Variants in PARD3B observed in about 807,000 individuals in gnomAD.
PARD3B encodes the protein par-3 family cell polarity regulator beta, also known as partitioning defective 3 homolog B.
PARD3B carries 103 observed loss-of-function variants against 130.2 expected under a neutral mutation model. The observed-to-expected ratio is 0.79, with a 90% CI of 0.67 to 0.93. The LOEUF (loss-of-function observed/expected upper bound fraction) is 0.93. Among genes scored for constraint, PARD3B ranks in the 40% least tolerant of loss-of-function variants. PARD3B has a pLI of 0.00. For missense variants in PARD3B, 1,609 were observed against 1,499.2 expected, an observed-to-expected ratio of 1.07 and a Z score of -1.21; for synonymous variants, 583 against 553.2, an observed-to-expected ratio of 1.05 and a Z score of -0.76.
chr2:205,379,734 T>G (rs1474281104), intron 18 of PARD3B, among the ~76,000 whole-genome samples: 1 of 151,984 alleles, frequency 6.6e-6, no homozygotes, highest in African/African-American at 2.4e-5. Context: ...TTAGCAGGTA[T>G]TACAGTGAGA....
intron 21 of PARD3B, among the ~76,000 whole-genome samples, chr2:205,548,200 T>A (rs935718234): frequency 3.3e-5 from 5 of 152,080 alleles, no homozygotes; most frequent in Non-Finnish European, 7.4e-5. Context: ...TTCTTTTATT[T>A]GGTCCCTACA....
chr2:205,226,352 T>C (rs2038548897), intron 15 of PARD3B, among the ~76,000 whole-genome samples: 1 of 152,226 alleles, frequency 6.6e-6, no homozygotes, highest in Non-Finnish European at 1.5e-5. Context: ...AAAAGCTTTT[T>C]AATTTGATGT....
At chr2:205,024,162 CT>C (rs1172893472) in intron 3 of PARD3B, among the ~76,000 whole-genome samples, 4,069 of 98,642 alleles carry the variant, frequency 0.041, 9 homozygotes, top group African/African-American at 0.054. Flanking sequence ...TTCTTTCTTT[CT>C]TTTTTTTTTT....
intron 1 of PARD3B, among the ~76,000 whole-genome samples, chr2:204,572,505 G>GATAA (rs2032056087): frequency 1.3e-5 from 2 of 152,150 alleles, no homozygotes; most frequent in Non-Finnish European, 2.9e-5. Flanking sequence ...TGTTCATGAT[G>GATAA]ATAAATCTGA....
At chr2:205,547,554 G>T (rs904442662) in intron 21 of PARD3B, among the ~76,000 whole-genome samples, 4 of 152,098 alleles carry the variant, frequency 2.6e-5, no homozygotes, top group African/African-American at 9.7e-5. Flanking sequence ...GCTACTGGGG[G>T]AGCTGTTGCT....
chr2:205,475,142 T>C (rs987811385), intron 20 of PARD3B, among the ~76,000 whole-genome samples: 1 of 152,146 alleles, frequency 6.6e-6, no homozygotes, highest in African/African-American at 2.4e-5. Flanking sequence ...TACTTGGACC[T>C]TGTTTTAATT....
Position 205,462,877 on chromosome 2 carries a change from C to T in PARD3B, c.3044+22205C>T, listed in dbSNP as rs151324540. ...TGTGAGCCATTCATCAAATCTCAGA[C>T]GTGACTCACGCAGTGGCTCATGGGT... On this transcript the variant is annotated intron_variant, in intron 20 of 22. Coordinates refer to ENST00000406610, the MANE Select transcript of PARD3B (RefSeq NM_001302769.2). Among the ~76,000 whole-genome samples, 23 of 152,258 alleles carry T rather than the reference C, an allele frequency of 1.5e-4. No homozygotes were observed. In the East Asian group the frequency reaches 1.9e-3, roughly 13 times the overall value.
chr2:205,433,598 T>C (rs1394644146), intron 19 of PARD3B, among the ~76,000 whole-genome samples: 1 of 152,020 alleles, frequency 6.6e-6, no homozygotes, highest in Non-Finnish European at 1.5e-5. Context: ...GCTTAGCTCT[T>C]TGAAAACAGA....
chr2:204,821,517 A>T (rs1288107029), intron 2 of PARD3B, among the ~76,000 whole-genome samples: 2 of 129,650 alleles, frequency 1.5e-5, no homozygotes, highest in East Asian at 5.4e-4. Context: ...GCATGGACAC[A>T]GGAAGGGGAA....
chr2:205,175,880 A>T (rs1237609000), intron 12 of PARD3B, among the ~76,000 whole-genome samples: 1 of 141,708 alleles, frequency 7.1e-6, no homozygotes, highest in East Asian at 2.1e-4. Context: ...AAAAATCAAA[A>T]TAGGAAGGGG....
chr2:205,252,838 A>ACCCCC (rs35793665), intron 16 of PARD3B, among the ~76,000 whole-genome samples: 4 of 83,928 alleles, frequency 4.8e-5, no homozygotes, highest in Non-Finnish European at 6.4e-5. Context: ...ACCTGAAGGG[A>ACCCCC]CCCCCCCCCC....
chr2:205,357,173 C>T (rs2044225104), intron 18 of PARD3B, among the ~76,000 whole-genome samples: 1 of 152,114 alleles, frequency 6.6e-6, no homozygotes, highest in Non-Finnish European at 1.5e-5. Flanking sequence ...ATATTAAGCA[C>T]AGTGTGTTGT....
In PARD3B at chr2:205,274,589, T is replaced by C. The variant is rs1451543826; in HGVS notation, c.2186-25941T>C. ...ATCCCTTAATTTACATGGTATACTTTTACATTGATTTTTTTATAAATCATT... is the reference window on the plus strand; with the variant it reads ...ATCCCTTAATTTACATGGTATACTTCTACATTGATTTTTTTATAAATCATT... On this transcript the variant is annotated intron_variant, in intron 16 of 22. Transcript: ENST00000406610. This position sits in a 1 kb window ranked among gnomAD's most constrained non-coding sequence, Gnocchi z 4.2. Among the ~76,000 whole-genome samples, 3 of 152,042 alleles carry C rather than the reference T, an allele frequency of 2.0e-5. No individual in the cohort carries two copies. The highest frequency in any genetic ancestry group is 6.6e-5 in the Admixed American group (1 of 15,262).
Position 205,434,004 on chromosome 2 carries a change from C to CT in PARD3B, c.2742-6360dup, listed in dbSNP as rs1192385684. Among the ~76,000 whole-genome samples the CT allele has an allele frequency of 2.6e-5, 4 of 152,248 alleles. No homozygotes were observed. In the East Asian group the frequency reaches 5.8e-4, roughly 22 times the overall value. ...TTTTGGTAAACATATGTCGTCATTTCTTTTTTCAATTCACCTGAGGTGAAT... is the reference window on the plus strand; with the variant it reads ...TTTTGGTAAACATATGTCGTCATTTCTTTTTTTCAATTCACCTGAGGTGAAT... On this transcript the variant is annotated intron_variant, in intron 19 of 22. Coordinates refer to ENST00000406610, the MANE Select transcript of PARD3B (RefSeq NM_001302769.2).
intron 21 of PARD3B, among the ~76,000 whole-genome samples, chr2:205,505,398 A>C (rs2050322387): frequency 1.3e-5 from 2 of 151,884 alleles, no homozygotes; most frequent in Admixed American, 1.3e-4. Context: ...AAAAAAATAA[A>C]ATAAAATAAA....
At chr2:204,577,639 A>G (rs970019479) in intron 1 of PARD3B, among the ~76,000 whole-genome samples, 2 of 152,208 alleles carry the variant, frequency 1.3e-5, no homozygotes, top group Admixed American at 6.5e-5. Flanking sequence ...TGGTGGGATC[A>G]TAGCTCACCG....
chr2:204,778,256 T>G (rs544261301), intron 2 of PARD3B, among the ~76,000 whole-genome samples: 1 of 152,134 alleles, frequency 6.6e-6, no homozygotes, highest in Non-Finnish European at 1.5e-5. Context: ...TTGGATGTTA[T>G]CATGTGGTCA....
chr2:204,774,849 T>G (rs1050608295), intron 2 of PARD3B, among the ~76,000 whole-genome samples: 2 of 152,154 alleles, frequency 1.3e-5, no homozygotes, highest in African/African-American at 4.8e-5. Context: ...TACTCTTCAG[T>G]TATTCACACT....
intron 3 of PARD3B, among the ~76,000 whole-genome samples, chr2:205,046,158 A>G (rs1698761280): frequency 6.6e-6 from 1 of 152,142 alleles, no homozygotes; most frequent in Non-Finnish European, 1.5e-5. Flanking sequence ...CTTAGTCTTC[A>G]GATTACCTAA....
Sources: allele counts gnomAD v4.1 joint callset (sites outside exome capture counted in the v4.1 genomes callset), GRCh38; gene constraint gnomAD v4.1.1; non-coding constraint Gnocchi (gnomAD v3.1); transcripts MANE v1.5; gene names NCBI Gene and HGNC (gene_info 2026-07-23, HGNC 2026-07-21).